The following DZIP3 variants were observed in gnomAD, a reference collection of about 807,000 sequenced individuals.
The protein encoded by DZIP3 is DAZ interacting zinc finger protein 3, also known as E3 ubiquitin-protein ligase DZIP3.
A neutral mutation model predicts 162.0 loss-of-function variants in DZIP3; 118 were observed. That is an observed-to-expected ratio of 0.73 (90% CI 0.63 to 0.85). The LOEUF (loss-of-function observed/expected upper bound fraction) is 0.85, where lower values mean the gene tolerates loss of function less well. Among genes scored for constraint, DZIP3 ranks in the 40% least tolerant of loss-of-function variants. The probability of loss-of-function intolerance (pLI) is 0.00; values close to 1 mark genes in which losing one functional copy is unlikely to be tolerated. For synonymous variants in DZIP3, 438 were observed against 458.6 expected, an observed-to-expected ratio of 0.96 and a Z score of 0.57; for missense variants, 1,331 against 1,407.0, an observed-to-expected ratio of 0.95 and a Z score of 0.86.
rs1942163937 is a variant in DZIP3, at chr3:108,636,715, A to G, written c.1011+7A>G. 15 of 1,523,524 alleles carry G rather than the reference A, an allele frequency of 9.8e-6. 1 individual carries two copies. The Admixed American group carries it at 1.6e-4, about 16-fold the overall frequency. The allele number at this position is 1,523,524 out of a possible 1,614,324, so 94.4% of individuals were successfully genotyped here. ...TGGAATTGTTAAAATTTTGGTGAGTATCTTGTTTTGTCCTTTTTTTTTTTT... is the reference window on the plus strand; with the variant it reads ...TGGAATTGTTAAAATTTTGGTGAGTGTCTTGTTTTGTCCTTTTTTTTTTTT... On this transcript the variant is annotated splice_region_variant and intron_variant, in intron 11 of 32. Transcript: ENST00000361582.
chr3:108,669,690 T>G lies in DZIP3; in HGVS notation c.2433T>G (p.Arg811=). The change falls in exon 22 of 33, where the codon CGT becomes CGG. Residue 811 remains arginine (R), a synonymous_variant. Transcript: ENST00000361582. ...TTGCTTGTTTGCTTAGATTACAGCGTCAAATCCATGCTAAAGATAATGAAA... is the reference window on the plus strand; with the variant it reads ...TTGCTTGTTTGCTTAGATTACAGCGGCAAATCCATGCTAAAGATAATGAAA... The part of the protein sequence containing the change: ...FGINKVSKLQ[R]QIHAKDNEIK... The G allele has an allele frequency of 6.2e-7, 1 of 1,611,172 alleles. No homozygotes were observed. Among genetic ancestry groups the G allele is most frequent in the Non-Finnish European group, 8.5e-7 (1 of 1,178,244 alleles).
intron 7 of DZIP3, 116 bp from the exon 8 acceptor site, chr3:108,628,946 C>T (rs1941706127): frequency 1.0e-5 from 6 of 592,688 alleles, no homozygotes; most frequent in Non-Finnish European, 1.2e-5. Context: ...CTATGGCATG[C>T]CAGAGGTTAT....
intron 3 of DZIP3, 125 bp from the exon 4 acceptor site, chr3:108,611,049 A>T: frequency 1.1e-6 from 1 of 893,618 alleles, no homozygotes; most frequent in South Asian, 1.9e-5. Context: ...TAATTCTGTC[A>T]TAGAAGCTAG....
At chr3:108,654,399 C>A in intron 19 of DZIP3, 89 bp downstream of exon 19, 1 of 1,412,994 alleles carries the variant, frequency 7.1e-7, no homozygotes, top group Non-Finnish European at 1.0e-6. Context: ...CTTTGAAAAG[C>A]CCAGTGGTTT....
At chr3:108,679,211 A>G (rs539798496) in intron 26 of DZIP3, among the ~76,000 whole-genome samples, 8 of 152,198 alleles carry the variant, frequency 5.3e-5, no homozygotes, top group African/African-American at 1.9e-4. Context: ...TAACTATAAA[A>G]TGGGTCCAGA....
chr3:108,629,321 C>A, intron 8 of DZIP3, 145 bp downstream of exon 8: 2 of 530,972 alleles, frequency 3.8e-6, no homozygotes, highest in African/African-American at 2.0e-5. Context: ...TAGTGCAGAA[C>A]GTATGATTCA....
intron 4 of DZIP3, 109 bp downstream of exon 4, chr3:108,611,438 T>C (rs991495530): frequency 7.5e-7 from 1 of 1,338,828 alleles, no homozygotes; most frequent in African/African-American, 1.5e-5. Flanking sequence ...TTGAAAAAAA[T>C]CTCCATCTTA....
chr3:108,686,097 C>T (rs1576473377), intron 27 of DZIP3, among the ~76,000 whole-genome samples: 1 of 152,074 alleles, frequency 6.6e-6, no homozygotes, highest in African/African-American at 2.4e-5. Flanking sequence ...CAGTAAACAG[C>T]CTTCATGTTT....
At chr3:108,669,795 A>G in intron 22 of DZIP3, 46 bp downstream of exon 22, 1 of 1,431,056 alleles carries the variant, frequency 7.0e-7, no homozygotes, top group South Asian at 1.2e-5. Context: ...CTGAAACTGT[A>G]TTTCACTCAA....
chr3:108,656,738 C>T (rs1943142025), intron 19 of DZIP3, among the ~76,000 whole-genome samples: 1 of 151,980 alleles, frequency 6.6e-6, no homozygotes, highest in Admixed American at 6.6e-5. Context: ...AATTAAAAAC[C>T]TTGAAAAAAA....
chr3:108,650,837 T>C (rs555088814), intron 17 of DZIP3, among the ~76,000 whole-genome samples: 1 of 151,742 alleles, frequency 6.6e-6, no homozygotes, highest in Admixed American at 6.6e-5. Flanking sequence ...GACTCAGTAG[T>C]AGATAATAAG....
chr3:108,673,289 A>T (rs1019377772), intron 23 of DZIP3, among the ~76,000 whole-genome samples: 3 of 151,954 alleles, frequency 2.0e-5, no homozygotes, highest in African/African-American at 7.2e-5. Flanking sequence ...AGTACTTGGG[A>T]TCCTGGAAGT....
intron 12 of DZIP3, 56 bp from the exon 13 acceptor site, chr3:108,642,382 G>A (rs1942438349): frequency 1.4e-6 from 2 of 1,425,386 alleles, no homozygotes; most frequent in Non-Finnish European, 1.9e-6. Flanking sequence ...TAGAAATCTT[G>A]ACTGACTTTG....
intron 19 of DZIP3, among the ~76,000 whole-genome samples, chr3:108,660,623 C>A (rs1223473779): frequency 1.1e-4 from 16 of 152,046 alleles, no homozygotes; most frequent in East Asian, 1.9e-4. Context: ...GCAACAAAAG[C>A]CAAAATTGAC....
chr3:108,679,863 G>A lies in DZIP3; in HGVS notation c.2883+2265G>A, dbSNP rs557936432. 3.9e-5 allele frequency among the ~76,000 whole-genome samples: 6 copies of A among 152,232 alleles called. No individual in the cohort carries two copies. In the South Asian group the frequency reaches 8.3e-4, roughly 21 times the overall value. ...CCATAGTAGAGACTTCTATGAAAGT[G>A]TGGATTGTTCCCAGTTTAACCCAGT... On this transcript the variant is annotated intron_variant, in intron 26 of 32. Coordinates refer to ENST00000361582, the MANE Select transcript of DZIP3 (RefSeq NM_014648.4).
In DZIP3 at chr3:108,654,306, A is replaced by G. The variant is rs768330017; in HGVS notation, c.2195A>G (p.Glu732Gly). The G allele has an allele frequency of 2.2e-5, 36 of 1,613,498 alleles. No homozygotes were observed. Among genetic ancestry groups the G allele is most frequent in the Non-Finnish European group, 2.5e-6 (3 of 1,179,622 alleles). ...LDELHILDMI[E>G]QGSAGKVTTD... ...GAATTGCATATTCTGGACATGATAG[A>G]GCAGGTAAGCATGATTAGAGAGGGT... Residue 732 changes from glutamate (E) to glycine (G), a missense_variant, in exon 19 of 33, where the codon GAG becomes GGG. Coordinates refer to ENST00000361582, the MANE Select transcript of DZIP3 (RefSeq NM_014648.4).
chr3:108,663,493 T>C (rs1576440906), intron 21 of DZIP3, among the ~76,000 whole-genome samples: 1 of 150,994 alleles, frequency 6.6e-6, no homozygotes, highest in African/African-American at 2.4e-5. Flanking sequence ...GAGGCGGAGG[T>C]TGCAGTGAGC....
intron 8 of DZIP3, among the ~76,000 whole-genome samples, chr3:108,632,285 G>T (rs921262650): frequency 6.6e-6 from 1 of 151,698 alleles, no homozygotes; most frequent in Non-Finnish European, 1.5e-5. Context: ...TGTCACCCAG[G>T]CTGCAGTGAA....
intron 22 of DZIP3, among the ~76,000 whole-genome samples, chr3:108,670,697 C>T (rs963047283): frequency 6.6e-6 from 1 of 151,814 alleles, no homozygotes; most frequent in Non-Finnish European, 1.5e-5. Context: ...TGAGGAATTG[C>T]CAAACTGTTT....
Sources: gnomAD v4.1 joint callset for allele counts (sites outside exome capture counted in the v4.1 genomes callset) on GRCh38, gnomAD v4.1.1 for gene constraint, MANE v1.5 for transcripts, NCBI Gene and HGNC (gene_info 2026-07-23, HGNC 2026-07-21) for gene names.